The following DOCK1 variants were observed in gnomAD, a reference collection of about 807,000 sequenced individuals.
DOCK1 encodes the protein dedicator of cytokinesis protein 1.
Under a neutral mutation model 262.7 loss-of-function variants are expected in DOCK1, and 138 were observed. The ratio of observed to expected loss-of-function variants is 0.53; its 90% CI spans 0.46 to 0.61. DOCK1 has a LOEUF of 0.61. Ranked by LOEUF, DOCK1 falls within the 20% of genes least tolerant of loss-of-function variation. The pLI is 0.00. For missense variants in DOCK1, 1,908 were observed against 2,370.7 expected (o/e 0.80, Z 4.05); for synonymous variants, 866 against 867.4 (o/e 1.00, Z 0.03).
At chr10:127,374,547 G>A (rs2065380822) in intron 35 of DOCK1, among the ~76,000 whole-genome samples, 1 of 152,266 alleles carries the variant, frequency 6.6e-6, no homozygotes, top group East Asian at 1.9e-4. Flanking sequence ...GTGCTATGTA[G>A]TACATAGGCT....
At chr10:127,060,960 G>T (rs7909730) in intron 22 of DOCK1, among the ~76,000 whole-genome samples, 35,269 of 152,190 alleles carry the variant, frequency 0.23, 4,194 homozygotes, top group African/African-American at 0.27. Context: ...GCCGCCTGGC[G>T]GCTCACGCCT....
intron 27 of DOCK1, among the ~76,000 whole-genome samples, chr10:127,218,878 T>C (rs2058317366): frequency 6.6e-6 from 1 of 152,208 alleles, no homozygotes; most frequent in Admixed American, 6.5e-5. Context: ...AGGTCTGCTC[T>C]CTACTTCCAA....
chr10:127,362,772 T>G, intron 33 of DOCK1, among the ~76,000 whole-genome samples: 1 of 146,398 alleles, frequency 6.8e-6, no homozygotes. Flanking sequence ...AAAATCTCCT[T>G]CTGGATCCCA....
intron 28 of DOCK1, among the ~76,000 whole-genome samples, chr10:127,256,934 A>C (rs559194787): frequency 6.6e-6 from 1 of 152,216 alleles, no homozygotes; most frequent in East Asian, 1.9e-4. Context: ...CCCGTATTCA[A>C]TCTGATGTGT....
At chr10:127,066,373 T>A (rs1591875145) in intron 23 of DOCK1, among the ~76,000 whole-genome samples, 1 of 152,212 alleles carries the variant, frequency 6.6e-6, no homozygotes, top group Non-Finnish European at 1.5e-5. Flanking sequence ...TGGAACCGTT[T>A]CCTGCATGCT....
rs918295395 is a variant in DOCK1 at position 126,950,794 on chromosome 10, C to A, written c.47-19908C>A. 1.5e-3 allele frequency among the ~76,000 whole-genome samples: 223 copies of A among 152,186 alleles called. 4 individuals are homozygous for A. The highest frequency in any genetic ancestry group is 0.01 in the Middle Eastern group (3 of 294). On this transcript the variant is annotated intron_variant, in intron 1 of 51. Coordinates refer to ENST00000623213, the MANE Select transcript of DOCK1 (RefSeq NM_001290223.2). ...TAATATGGGATGATGTGAGGAAATG[C>A]GTCAAGTGTTCGTTGGAGTTTCTGG...
intron 29 of DOCK1, among the ~76,000 whole-genome samples, chr10:127,293,197 G>T (rs2061402935): frequency 6.6e-6 from 1 of 152,248 alleles, no homozygotes; most frequent in Non-Finnish European, 1.5e-5. Context: ...GAGCTCCTGT[G>T]CATGCTCCTG....
chr10:127,282,846 AGAAG>A (rs1319219822), intron 29 of DOCK1, among the ~76,000 whole-genome samples: 2 of 152,222 alleles, frequency 1.3e-5, no homozygotes, highest in African/African-American at 4.8e-5. Flanking sequence ...CAAAAAATGA[AGAAG>A]GATAGGCAGT....
At chr10:127,042,313 C>T (rs1710288943) in intron 19 of DOCK1, among the ~76,000 whole-genome samples, 1 of 152,134 alleles carries the variant, frequency 6.6e-6, no homozygotes, top group East Asian at 1.9e-4. Flanking sequence ...CCCAGAGTTG[C>T]CATTCAGCGC....
intron 33 of DOCK1, among the ~76,000 whole-genome samples, chr10:127,364,202 G>A (rs1006712932): frequency 6.6e-6 from 1 of 152,136 alleles, no homozygotes; most frequent in African/African-American, 2.4e-5. Flanking sequence ...TCCGGAAGCC[G>A]GGGAGGAGCA....
At chr10:127,058,314 T>C (rs2045305239) in intron 22 of DOCK1, among the ~76,000 whole-genome samples, 1 of 152,072 alleles carries the variant, frequency 6.6e-6, no homozygotes, top group Non-Finnish European at 1.5e-5. Flanking sequence ...TATTCCTTAA[T>C]CAATATGAAA....
intron 27 of DOCK1, among the ~76,000 whole-genome samples, chr10:127,141,676 CAAA>C (rs796870030): frequency 3.6e-5 from 5 of 139,900 alleles, no homozygotes; most frequent in Non-Finnish European, 6.3e-5. Flanking sequence ...GTCTTTAAAA[CAAA>C]AAAAAAAAAA....
rs182214048 is a variant in DOCK1 at position 127,208,412 on chromosome 10, G to A, written c.2848-39596G>A. Among the ~76,000 whole-genome samples the A allele has an allele frequency of 2.6e-5, 4 of 152,192 alleles. No individual in the cohort carries two copies. In the East Asian group the frequency reaches 7.7e-4, roughly 29 times the overall value. On this transcript the variant is annotated intron_variant, in intron 27 of 51. Transcript: ENST00000623213. ...CCCAATGGAGTATCTTTGCTGTAGG[G>A]TTTTAATACTGGAGCTATTATGATG...
rs76916962 is a variant in DOCK1 at position 127,441,529 on chromosome 10, A to G, written c.5259+2304A>G. On this transcript the variant is annotated intron_variant, in intron 49 of 51. Coordinates refer to ENST00000623213, the MANE Select transcript of DOCK1 (RefSeq NM_001290223.2). ...TGTCTACGCAGAGGGCACCTCCTCC[A>G]GGGGACGGGTGCCGGCAAGGTCTGT... Among the ~76,000 whole-genome samples the G allele has an allele frequency of 3.3e-5, 5 of 152,314 alleles. No homozygotes were observed. The East Asian group carries it at 7.7e-4, about 24-fold the overall frequency.
chr10:126,969,177 C>T (rs1027076254), intron 1 of DOCK1, among the ~76,000 whole-genome samples: 2 of 152,196 alleles, frequency 1.3e-5, no homozygotes, highest in Non-Finnish European at 2.9e-5. Context: ...AAAACACACA[C>T]GCAATTCTAC....
intron 27 of DOCK1, among the ~76,000 whole-genome samples, chr10:127,199,460 A>T (rs1589911173): frequency 1.3e-5 from 2 of 152,200 alleles, no homozygotes; most frequent in East Asian, 3.8e-4. Context: ...ATACCAGTCA[A>T]CAGTAGATAA....
chr10:127,403,099 G>A lies in DOCK1; in HGVS notation c.3972G>A (p.Gln1324=). ...AIALGKELAE[Q]YENEMFDYEQ... is the part of the protein sequence containing the mutation. ...CCTTGGGCAAGGAGCTAGCCGAGCA[G>A]TATGAGAACGAAATGTTTGATTATG... Residue 1324 remains glutamine (Q), a synonymous_variant, in exon 39 of 52, where the codon CAG becomes CAA. Coordinates refer to ENST00000623213, the MANE Select transcript of DOCK1 (RefSeq NM_001290223.2). 6.2e-7 allele frequency: 1 copy of A among 1,612,908 alleles called. No individual in the cohort carries two copies. The highest frequency in any genetic ancestry group is 8.5e-7 in the Non-Finnish European group (1 of 1,179,502).
chr10:127,201,013 C>G (rs2057428851), intron 27 of DOCK1, among the ~76,000 whole-genome samples: 2 of 152,208 alleles, frequency 1.3e-5, no homozygotes, highest in Admixed American at 6.5e-5. Context: ...AGTTCAGAAG[C>G]TGTGGTAGCA....
intron 46 of DOCK1, among the ~76,000 whole-genome samples, chr10:127,422,690 A>G (rs1405800271): frequency 6.6e-6 from 1 of 152,210 alleles, no homozygotes; most frequent in Non-Finnish European, 1.5e-5. Flanking sequence ...CCTCATGTAG[A>G]CAGTCTCCCT....
Sources: allele counts gnomAD v4.1 joint callset (sites outside exome capture counted in the v4.1 genomes callset), GRCh38; gene constraint gnomAD v4.1.1; transcripts MANE v1.5; gene names NCBI Gene and HGNC (gene_info 2026-07-23, HGNC 2026-07-21).